ESF1: variants seen among roughly 807,000 people sequenced by gnomAD.
ESF1 encodes the protein ESF1 nucleolar pre-rRNA processing protein.
A neutral mutation model predicts 92.0 loss-of-function variants in ESF1; 58 were observed. The ratio of observed to expected loss-of-function variants is 0.63; its 90% CI spans 0.51 to 0.78. The LOEUF (loss-of-function observed/expected upper bound fraction) is 0.78. Ranked by LOEUF, ESF1 falls within the 30% of genes least tolerant of loss-of-function variation. The pLI, the probability that ESF1 is intolerant of heterozygous loss-of-function variation, is 0.00. For synonymous variants in ESF1, 321 were observed against 313.7 expected, an observed-to-expected ratio of 1.02 and a Z score of -0.24; for missense variants, 922 against 989.1, an observed-to-expected ratio of 0.93 and a Z score of 0.91.
intron 2 of ESF1, among the ~76,000 whole-genome samples, chr20:13,778,836 G>A (rs2147449644): frequency 6.6e-6 from 1 of 152,244 alleles, no homozygotes; most frequent in South Asian, 2.1e-4. Flanking sequence ...CTTGAGCCCA[G>A]GAGTTTGAGA....
At chr20:13,724,289 C>T (rs1429165503) in intron 11 of ESF1, among the ~76,000 whole-genome samples, 4 of 151,686 alleles carry the variant, frequency 2.6e-5, no homozygotes, top group South Asian at 2.1e-4. Context: ...AGTGAGACTC[C>T]GTCTCAAAAA....
intron 11 of ESF1, 128 bp from the exon 12 acceptor site, chr20:13,719,112 GA>G (rs1374873119): frequency 5.8e-5 from 32 of 555,444 alleles, no homozygotes; most frequent in Admixed American, 2.0e-4. Flanking sequence ...GAAACTAAAA[GA>G]AAAAAACACG....
At position 13,784,902 on chromosome 20, in the gene ESF1, C is replaced by T. The variant is rs528924057; in HGVS notation, c.-66G>A. The T allele has an allele frequency of 3.1e-6, 2 of 644,396 alleles. No homozygotes were observed. The highest frequency in any genetic ancestry group is 2.7e-5 in the Admixed American group (1 of 36,534). 39.9% of individuals were successfully genotyped at this position (644,396 alleles called of 1,614,324 possible). On this transcript the variant is annotated 5_prime_UTR_variant, in exon 1 of 14. Coordinates refer to ENST00000617257, the MANE Select transcript of ESF1 (RefSeq NM_001276380.2). ...CACCGTCCGCAGTCCTACCAAGCCTCACGTGGGGCTCACACCCACAATCCT... is the reference window on the plus strand; with the variant it reads ...CACCGTCCGCAGTCCTACCAAGCCTTACGTGGGGCTCACACCCACAATCCT...
At chr20:13,719,431 T>C (rs1056005754) in intron 11 of ESF1, among the ~76,000 whole-genome samples, 1 of 152,116 alleles carries the variant, frequency 6.6e-6, no homozygotes, top group East Asian at 1.9e-4. Flanking sequence ...ACTAGTGACA[T>C]AGTGTATTAA....
At chr20:13,728,331 TTTTTC>T in intron 11 of ESF1, 42 bp downstream of exon 11, 1 of 1,450,826 alleles carries the variant, frequency 6.9e-7, no homozygotes, top group Non-Finnish European at 9.5e-7. Flanking sequence ...GTACCTCACC[TTTTTC>T]TTTAGATTCC....
intron 9 of ESF1, among the ~76,000 whole-genome samples, chr20:13,751,204 G>A (rs1193129566): frequency 6.6e-6 from 1 of 152,176 alleles, no homozygotes; most frequent in Non-Finnish European, 1.5e-5. Flanking sequence ...CATGTGCAAC[G>A]AAAAGTGACA....
intron 4 of ESF1, among the ~76,000 whole-genome samples, chr20:13,773,148 C>T (rs949265629): frequency 6.6e-6 from 1 of 152,302 alleles, no homozygotes; most frequent in Non-Finnish European, 1.5e-5. Context: ...TTCACTCTCA[C>T]CAGGTGTGGT....
chr20:13,748,545 T>C, intron 9 of ESF1, among the ~76,000 whole-genome samples: 1 of 48,912 alleles, frequency 2.0e-5, no homozygotes, highest in Non-Finnish European at 3.8e-5. Context: ...TATATATGTG[T>C]GTGTATATAT....
rs780562020 is a variant in ESF1 at position 13,783,134 on chromosome 20, A to T, written c.7T>A (p.Ser3Thr). The change falls in exon 2 of 14, where the codon TCC becomes ACC. Residue 3 changes from serine (S) to threonine (T), a missense_variant. Transcript: ENST00000617257. The part of the protein sequence containing the change: MS[S>T]KQEIMSDQRF... ...TGGTCACTCATTATTTCTTGTTTGG[A>T]TGACATTTTTAATTCTTAATCTCGA... 1.3e-6 allele frequency: 2 copies of T among 1,594,850 alleles called. No individual in the cohort carries two copies. Among genetic ancestry groups the T allele is most frequent in the Non-Finnish European group, 1.7e-6 (2 of 1,167,648 alleles).
chr20:13,751,572 GT>G (rs1258295207), intron 9 of ESF1, among the ~76,000 whole-genome samples: 3 of 152,034 alleles, frequency 2.0e-5, no homozygotes, highest in Admixed American at 6.6e-5. Flanking sequence ...GTGCAGGGAT[GT>G]GGGGGGGAAC....
intron 1 of ESF1, 53 bp from the exon 2 acceptor site, chr20:13,783,236 A>C (rs1380944220): frequency 2.5e-6 from 3 of 1,178,420 alleles, no homozygotes; most frequent in East Asian, 5.6e-5. Context: ...ACAATAATTA[A>C]ATGTTTTAAA....
intron 8 of ESF1, 137 bp downstream of exon 8, chr20:13,766,640 T>A (rs13038237): frequency 0.098 from 73,364 of 747,404 alleles, 4,186 homozygotes; most frequent in Admixed American, 0.12. Flanking sequence ...AATTTTTTTT[T>A]AAAAAAATCA....
chr20:13,783,168 T>C lies in ESF1; in HGVS notation c.-28A>G. 6.4e-7 allele frequency: 1 copy of C among 1,573,674 alleles called. No homozygotes were observed. The highest frequency in any genetic ancestry group is 8.6e-7 in the Non-Finnish European group (1 of 1,159,028). ...TTAATTCTTAATCTCGACCAAATGC[T>C]TGAAGAAAACAAATACTGAAAAATA... On this transcript the variant is annotated 5_prime_UTR_variant, in exon 2 of 14. Transcript: ENST00000617257.
At chr20:13,762,651 A>G (rs754796) in intron 8 of ESF1, among the ~76,000 whole-genome samples, 102,607 of 151,856 alleles carry the variant, frequency 0.68, 34,902 homozygotes, top group East Asian at 0.89. Context: ...TAATAATTCT[A>G]ACAGTAAGCC....
At chr20:13,774,132 G>GTTTA (rs1264562964) in intron 4 of ESF1, among the ~76,000 whole-genome samples, 3 of 151,830 alleles carry the variant, frequency 2.0e-5, no homozygotes, top group Admixed American at 6.6e-5. Flanking sequence ...CTCTTAATTT[G>GTTTA]TTTATTCTTT....
intron 9 of ESF1, among the ~76,000 whole-genome samples, chr20:13,750,910 A>G (rs946829144): frequency 6.6e-6 from 1 of 152,212 alleles, no homozygotes; most frequent in African/African-American, 2.4e-5. Context: ...TGAGCCCATG[A>G]ATGAGTCATG....
In ESF1 at chr20:13,770,013, G is replaced by A. The variant is rs1195337804; in HGVS notation, c.1412C>T (p.Pro471Leu). 1.3e-6 allele frequency: 2 copies of A among 1,594,418 alleles called. No individual in the cohort carries two copies. The highest frequency in any genetic ancestry group is 1.4e-5 in the African/African-American group (1 of 73,952). ...SCSFIDLRFIPDDITFDDEPK... is the reference protein window; with the variant it reads ...SCSFIDLRFILDDITFDDEPK... ...CTCATCATCAAAAGTAATATCATCT[G>A]GTATAAACCTAAGAAGTAAAGAAAA... The change falls in exon 7 of 14, where the codon CCA becomes CTA. Residue 471 changes from proline to leucine, a missense_variant. By Grantham distance (98) the Pro-to-Leu change is moderately conservative (BLOSUM62 -3). Coordinates refer to ENST00000617257, the MANE Select transcript of ESF1 (RefSeq NM_001276380.2).
At position 13,733,843 on chromosome 20, in the gene ESF1, C is replaced by T. The variant is rs763614012; in HGVS notation, c.1829-1G>A. The T allele has an allele frequency of 6.3e-7, 1 of 1,597,734 alleles. No individual in the cohort carries two copies. The highest frequency in any genetic ancestry group is 1.2e-5 in the South Asian group (1 of 86,762). On this transcript the variant is annotated splice_acceptor_variant, in intron 9 of 13. Coordinates refer to ENST00000617257, the MANE Select transcript of ESF1 (RefSeq NM_001276380.2). LOFTEE classifies it high-confidence loss of function. ...ATCTCTTCTGCACTTTCTTTAAGAC[C>T]TGAGGAAAAATCCAAATAGTTTAGC...
rs1441547548 is a variant in ESF1 at position 13,755,805 on chromosome 20, ACTC to A, written c.1828+3884_1828+3886del. On this transcript the variant is annotated intron_variant, in intron 9 of 13. Transcript: ENST00000617257. ...TTAATACTTACCCTTAAGAAATTAA[ACTC>A]CTCATGTTACTATACTGTATAACCC... is the stretch of plus-strand genomic sequence containing the variant. Among the ~76,000 whole-genome samples, 11 of 152,182 alleles carry A rather than the reference ACTC, an allele frequency of 7.2e-5. 1 individual carries two copies. The highest frequency in any genetic ancestry group is 4.1e-4 in the South Asian group (2 of 4,826).
Sources: gnomAD v4.1 joint callset for allele counts (sites outside exome capture counted in the v4.1 genomes callset) on GRCh38, gnomAD v4.1.1 for gene constraint, MANE v1.5 for transcripts, NCBI Gene and HGNC (gene_info 2026-07-23, HGNC 2026-07-21) for gene names.